MYT1L: variants seen among roughly 807,000 people sequenced by gnomAD.
MYT1L encodes the protein myelin transcription factor 1 like, also known as myelin transcription factor 1-like protein.
In MYT1L, 12 loss-of-function variants were observed where a neutral mutation model predicts 126.7. The ratio of observed to expected loss-of-function variants is 0.09; its 90% CI spans 0.06 to 0.15. The LOEUF is 0.15. Among genes scored for constraint, MYT1L ranks in the 10% least tolerant of loss-of-function variants. The pLI, the probability that MYT1L is intolerant of heterozygous loss-of-function variation, is 1.00. For synonymous variants in MYT1L, 541 were observed against 604.2 expected, an observed-to-expected ratio of 0.90 and a Z score of 1.53; for missense variants, 979 against 1,585.2, an observed-to-expected ratio of 0.62 and a Z score of 6.49.
chr2:2,072,020 T>C (rs1046449668), intron 3 of MYT1L, among the ~76,000 whole-genome samples: 2 of 152,182 alleles, frequency 1.3e-5, no homozygotes, highest in Admixed American at 6.5e-5. Flanking sequence ...ATTGTAAATA[T>C]AGATTTTTAA....
intron 3 of MYT1L, among the ~76,000 whole-genome samples, chr2:2,164,446 G>A (rs1168245840): frequency 1.3e-5 from 2 of 152,144 alleles, no homozygotes; most frequent in African/African-American, 2.4e-5. Context: ...AACAAAACAC[G>A]TGGGGATCAT....
At chr2:2,249,913 T>G (rs1024611566) in intron 2 of MYT1L, among the ~76,000 whole-genome samples, 2 of 152,086 alleles carry the variant, frequency 1.3e-5, no homozygotes, top group Non-Finnish European at 2.9e-5. Flanking sequence ...AACAGGCATA[T>G]GAAAAGGTGT....
Position 1,829,042 on chromosome 2 carries a change from T to G in MYT1L, c.3080+10107A>C, listed in dbSNP as rs1386940915. Among the ~76,000 whole-genome samples the G allele has an allele frequency of 2.6e-5, 4 of 152,278 alleles. No homozygotes were observed. The East Asian group carries it at 7.7e-4, about 29-fold the overall frequency. On this transcript the variant is annotated intron_variant, in intron 21 of 24. Transcript: ENST00000647738. ...CACATGAGAGAGAAGTCTCAACAGC[T>G]GCAGAGGAACCTCCACTTCCCTCCC...
At chr2:1,879,589 C>A (rs979897262) in intron 18 of MYT1L, among the ~76,000 whole-genome samples, 24 of 152,022 alleles carry the variant, frequency 1.6e-4, no homozygotes, top group Non-Finnish European at 3.1e-4. Context: ...ATCTTTGAAA[C>A]CTAGACCAAA....
At chr2:2,109,892 T>G (rs2079195427) in intron 3 of MYT1L, among the ~76,000 whole-genome samples, 1 of 93,018 alleles carries the variant, frequency 1.1e-5, no homozygotes, top group Admixed American at 1.0e-4. Flanking sequence ...TATATATATA[T>G]ATATATATAT....
At chr2:2,241,003 T>C (rs1447194515) in intron 2 of MYT1L, among the ~76,000 whole-genome samples, 11 of 152,196 alleles carry the variant, frequency 7.2e-5, no homozygotes, top group African/African-American at 1.2e-4. Context: ...CCACTTCACG[T>C]ATTGGAGAGA....
chr2:2,142,876 A>G (rs2084224876), intron 3 of MYT1L, among the ~76,000 whole-genome samples: 1 of 151,716 alleles, frequency 6.6e-6, no homozygotes, highest in Admixed American at 6.6e-5. Flanking sequence ...TAGTAGAGAC[A>G]GGATCTTGCC....
At chr2:2,048,446 T>C (rs974466052) in intron 4 of MYT1L, among the ~76,000 whole-genome samples, 8 of 152,174 alleles carry the variant, frequency 5.3e-5, no homozygotes, top group African/African-American at 1.9e-4. Flanking sequence ...GAAAATCCAT[T>C]TGTGTGAAGC....
chr2:2,027,448 T>C (rs1021797107), intron 4 of MYT1L, among the ~76,000 whole-genome samples: 10 of 152,316 alleles, frequency 6.6e-5, no homozygotes, highest in Non-Finnish European at 1.5e-4. Context: ...CGCTGCCGGA[T>C]GACCCCCGGC....
intron 23 of MYT1L, among the ~76,000 whole-genome samples, chr2:1,794,257 G>A (rs369537793): frequency 4.6e-5 from 7 of 152,334 alleles, no homozygotes; most frequent in East Asian, 1.9e-4. Context: ...CAGAGGCCTC[G>A]CCATCGCTGG....
intron 3 of MYT1L, among the ~76,000 whole-genome samples, chr2:2,063,875 A>G (rs1373629554): frequency 6.6e-6 from 1 of 151,916 alleles, no homozygotes; most frequent in Non-Finnish European, 1.5e-5. Flanking sequence ...CATAAAAACC[A>G]CGTTTCCTTG....
intron 2 of MYT1L, among the ~76,000 whole-genome samples, chr2:2,281,144 A>T (rs1359424114): frequency 1.3e-5 from 2 of 152,132 alleles, no homozygotes; most frequent in Non-Finnish European, 2.9e-5. Context: ...TAGTAAGTAA[A>T]TTCTCATGAG....
Position 2,196,252 on chromosome 2 carries a change from T to TA in MYT1L, c.-420-23265_-420-23264insT, listed in dbSNP as rs1559303357. Among the ~76,000 whole-genome samples the TA allele has an allele frequency of 3.3e-4, 49 of 149,890 alleles. 2 individuals carry two copies. In the East Asian group the frequency reaches 9.5e-3, roughly 29 times the overall value. On this transcript the variant is annotated intron_variant, in intron 2 of 24. Transcript: ENST00000647738. ...TAAATAAAGTGATTGCCTATGTGGG[T>TA]GAAAAAAAAATCCTTAAAAATGAAG...
rs1280552269 is a variant in MYT1L, at chr2:1,943,810, AT to A, written c.153-477del. Among the ~76,000 whole-genome samples, 1 of 152,188 alleles carries A rather than the reference AT, an allele frequency of 6.6e-6. No individual in the cohort carries two copies. Among genetic ancestry groups the A allele is most frequent in the African/African-American group, 2.4e-5 (1 of 41,458 alleles). Reference sequence around the variant, plus strand: ...TCTATGTCGTGAAAGAGCTTTGGATATATTTGGATTTGTATATTTTATGGAT... The same window carrying A: ...TCTATGTCGTGAAAGAGCTTTGGATAATTTGGATTTGTATATTTTATGGAT... On this transcript the variant is annotated intron_variant, in intron 8 of 24. Coordinates refer to ENST00000647738, the MANE Select transcript of MYT1L (RefSeq NM_001303052.2). The surrounding 1 kb of genome is among the most constrained non-coding windows in gnomAD (Gnocchi z 4.4).
chr2:2,111,337 C>G (rs2079428388), intron 3 of MYT1L, among the ~76,000 whole-genome samples: 1 of 152,172 alleles, frequency 6.6e-6, no homozygotes, highest in Admixed American at 6.6e-5. Context: ...GTCCTAGGAG[C>G]GTCCTCCCAT....
chr2:2,140,215 CTTAGA>C (rs2083740499), intron 3 of MYT1L, among the ~76,000 whole-genome samples: 1 of 152,032 alleles, frequency 6.6e-6, no homozygotes, highest in Non-Finnish European at 1.5e-5. Context: ...ATCATCTCAA[CTTAGA>C]TTAAATAAAA....
intron 5 of MYT1L, among the ~76,000 whole-genome samples, chr2:1,985,891 TC>T (rs1440845349): frequency 2.6e-5 from 4 of 152,164 alleles, no homozygotes; most frequent in Admixed American, 2.6e-4. Flanking sequence ...AGCCTGTGCC[TC>T]AATGGGTGCC....
chr2:2,231,543 G>T (rs371447516), intron 2 of MYT1L, among the ~76,000 whole-genome samples: 9 of 152,120 alleles, frequency 5.9e-5, no homozygotes, highest in African/African-American at 1.9e-4. Context: ...CACCTCCCAG[G>T]CTCAAGCAAT....
intron 4 of MYT1L, among the ~76,000 whole-genome samples, chr2:2,015,615 A>T (rs1156683666): frequency 6.6e-6 from 1 of 152,210 alleles, no homozygotes; most frequent in Admixed American, 6.5e-5. Context: ...CAAGAGACTC[A>T]TAGCTGCTCT....
Sources: allele counts gnomAD v4.1 joint callset (sites outside exome capture counted in the v4.1 genomes callset), GRCh38; gene constraint gnomAD v4.1.1; non-coding constraint Gnocchi (gnomAD v3.1); transcripts MANE v1.5; gene names NCBI Gene and HGNC (gene_info 2026-07-23, HGNC 2026-07-21).